SMURF2: variants seen among roughly 807,000 people sequenced by gnomAD.
The protein encoded by SMURF2 is E3 ubiquitin-protein ligase SMURF2.
In SMURF2, 48 loss-of-function variants were observed where a neutral mutation model predicts 109.6. The ratio of observed to expected loss-of-function variants is 0.44; its 90% CI spans 0.35 to 0.56. The LOEUF (loss-of-function observed/expected upper bound fraction) is 0.56, where lower values mean the gene tolerates loss of function less well. Ranked by LOEUF, SMURF2 falls within the 20% of genes least tolerant of loss-of-function variation. The pLI is 0.01. For missense variants in SMURF2, 575 were observed against 909.0 expected (o/e 0.63, Z 4.72); for synonymous variants, 288 against 317.1 (o/e 0.91, Z 0.97).
intron 10 of SMURF2, among the ~76,000 whole-genome samples, chr17:64,565,708 C>A (rs935983073): frequency 3.9e-5 from 6 of 151,914 alleles, no homozygotes; most frequent in African/African-American, 1.5e-4. Flanking sequence ...CTGCTTGAGG[C>A]CCCATTTTTC....
At chr17:64,643,972 C>A (rs1043809434) in intron 1 of SMURF2, among the ~76,000 whole-genome samples, 1 of 151,758 alleles carries the variant, frequency 6.6e-6, no homozygotes, top group Non-Finnish European at 1.5e-5. Flanking sequence ...ATTATAGGTG[C>A]GCGCCACCAA....
chr17:64,648,036 A>C (rs189169525), intron 1 of SMURF2, among the ~76,000 whole-genome samples: 4 of 127,678 alleles, frequency 3.1e-5, no homozygotes, highest in Admixed American at 1.8e-4. Flanking sequence ...CAGCCTGGGC[A>C]ACACAGTGAG....
intron 1 of SMURF2, among the ~76,000 whole-genome samples, chr17:64,633,449 C>T (rs548339731): frequency 4.2e-4 from 64 of 152,208 alleles, no homozygotes; most frequent in Middle Eastern, 3.4e-3. Context: ...ATACCCACAC[C>T]GGTATCATTC....
chr17:64,662,147 C>G lies in SMURF2; in HGVS notation c.-267G>C. ...CGGCCGCCCGCGCCGCCTCCGCCCG[C>G]GCCCCCGCCGCCTCCTCGCGGCCGC... On this transcript the variant is annotated 5_prime_UTR_variant, in exon 1 of 19. Transcript: ENST00000262435. The G allele has an allele frequency of 1.9e-6, 2 of 1,033,850 alleles. No individual in the cohort carries two copies. Among genetic ancestry groups the G allele is most frequent in the Non-Finnish European group, 2.3e-6 (2 of 862,340 alleles). The allele number at this position is 1,033,850 out of a possible 1,614,324, so 64.0% of individuals were successfully genotyped here.
At chr17:64,615,078 A>G (rs1380518414) in intron 1 of SMURF2, among the ~76,000 whole-genome samples, 1 of 152,218 alleles carries the variant, frequency 6.6e-6, no homozygotes, top group Non-Finnish European at 1.5e-5. Flanking sequence ...ATCAGAGTAA[A>G]TCGCAGCTGT....
At chr17:64,613,130 G>A (rs1970068382) in intron 1 of SMURF2, among the ~76,000 whole-genome samples, 1 of 152,162 alleles carries the variant, frequency 6.6e-6, no homozygotes, top group Admixed American at 6.5e-5. Context: ...TTCACATCCT[G>A]GAGCCTTTAC....
At chr17:64,557,201 T>C (rs1201532451) in intron 13 of SMURF2, among the ~76,000 whole-genome samples, 3 of 152,190 alleles carry the variant, frequency 2.0e-5, no homozygotes, top group South Asian at 2.1e-4. Context: ...GAGGTACAAA[T>C]GTATTTATTA....
chr17:64,572,047 G>T, intron 9 of SMURF2, 91 bp from the exon 10 acceptor site: 1 of 1,063,532 alleles, frequency 9.4e-7, no homozygotes, highest in Non-Finnish European at 1.3e-6. Flanking sequence ...TCCACAAAGT[G>T]TGAGAAAATG....
chr17:64,626,258 C>CAAAAAAA, intron 1 of SMURF2, among the ~76,000 whole-genome samples: 1 of 58,460 alleles, frequency 1.7e-5, no homozygotes, highest in Non-Finnish European at 3.6e-5. Flanking sequence ...GACACGGTCT[C>CAAAAAAA]AAAAAAAAAA....
At chr17:64,556,209 C>T (rs1471668055) in intron 13 of SMURF2, among the ~76,000 whole-genome samples, 2 of 152,076 alleles carry the variant, frequency 1.3e-5, no homozygotes, top group Non-Finnish European at 2.9e-5. Flanking sequence ...ATGCCCTTCT[C>T]GCAGGGGCCA....
At chr17:64,638,526 T>C (rs540179754) in intron 1 of SMURF2, among the ~76,000 whole-genome samples, 2 of 152,292 alleles carry the variant, frequency 1.3e-5, no homozygotes, top group South Asian at 4.1e-4. Context: ...CTTAGAAAAG[T>C]TTTCTTTTAG....
At chr17:64,564,686 C>A (rs1969276275) in intron 10 of SMURF2, among the ~76,000 whole-genome samples, 1 of 152,154 alleles carries the variant, frequency 6.6e-6, no homozygotes, top group African/African-American at 2.4e-5. Flanking sequence ...AGCCAAGGAA[C>A]ACCAAGGTTT....
intron 9 of SMURF2, among the ~76,000 whole-genome samples, chr17:64,574,557 C>G (rs1358743682): frequency 6.6e-6 from 1 of 152,116 alleles, no homozygotes; most frequent in Non-Finnish European, 1.5e-5. Flanking sequence ...GTAATAGAAA[C>G]TAAATATTTA....
intron 9 of SMURF2, among the ~76,000 whole-genome samples, chr17:64,577,659 G>A (rs374549997): frequency 1.1e-4 from 16 of 150,354 alleles, no homozygotes; most frequent in African/African-American, 3.7e-4. Flanking sequence ...GCTGTAGCAC[G>A]ACCAAGGCTC....
chr17:64,595,358 TAGAGA>T (rs1190498418), intron 3 of SMURF2, among the ~76,000 whole-genome samples: 2 of 152,214 alleles, frequency 1.3e-5, no homozygotes, highest in African/African-American at 4.8e-5. Flanking sequence ...TTCTTATACA[TAGAGA>T]AGTACATGCT....
intron 2 of SMURF2, among the ~76,000 whole-genome samples, chr17:64,600,691 A>T (rs1283836715): frequency 6.6e-6 from 1 of 152,216 alleles, no homozygotes; most frequent in Non-Finnish European, 1.5e-5. Context: ...ATAGTATTTC[A>T]GTAACACCTA....
intron 1 of SMURF2, among the ~76,000 whole-genome samples, chr17:64,638,737 T>C (rs2144719188): frequency 6.6e-6 from 1 of 152,328 alleles, no homozygotes; most frequent in Middle Eastern, 3.4e-3. Flanking sequence ...ACATTCATAT[T>C]GCTAGACAAC....
Position 64,562,037 on chromosome 17 carries a change from G to A in SMURF2, c.1213-434C>T, listed in dbSNP as rs143720673. 3.4e-3 allele frequency among the ~76,000 whole-genome samples: 524 copies of A among 152,000 alleles called. 1 individual carries two copies. The highest frequency in any genetic ancestry group is 0.012 in the African/African-American group (503 of 41,464). On this transcript the variant is annotated intron_variant, in intron 11 of 18. Coordinates refer to ENST00000262435, the MANE Select transcript of SMURF2 (RefSeq NM_022739.4). ...AGGCCAGGTGCAGTGGCTCATGCCT[G>A]TAATCCCAGCACTTTGGGAGGCTGA...
chr17:64,578,340 T>C, intron 9 of SMURF2, 152 bp downstream of exon 9: 1 of 602,390 alleles, frequency 1.7e-6, no homozygotes, highest in Non-Finnish European at 2.9e-6. Flanking sequence ...TAGGCAGGAC[T>C]TTCTACTAAA....
Sources: allele counts gnomAD v4.1 joint callset (sites outside exome capture counted in the v4.1 genomes callset), GRCh38; gene constraint gnomAD v4.1.1; transcripts MANE v1.5; gene names NCBI Gene and HGNC (gene_info 2026-07-23, HGNC 2026-07-21).